MAST4: variants seen among roughly 807,000 people sequenced by gnomAD.
MAST4 encodes the protein microtubule-associated serine/threonine-protein kinase 4.
MAST4 carries 89 observed loss-of-function variants against 162.7 expected under a neutral mutation model. The ratio of observed to expected loss-of-function variants is 0.55; its 90% confidence interval spans 0.46 to 0.65. The LOEUF (loss-of-function observed/expected upper bound fraction) is 0.65. Ranked by LOEUF, MAST4 falls within the 30% of genes least tolerant of loss-of-function variation. The probability of loss-of-function intolerance (pLI) is 0.00; values close to 1 mark genes in which losing one functional copy is unlikely to be tolerated. For synonymous variants in MAST4, 1,479 were observed against 1,361.1 expected, an observed-to-expected ratio of 1.09 and a Z score of -1.91; for missense variants, 3,153 against 3,374.0, an observed-to-expected ratio of 0.93 and a Z score of 1.62.
intron 14 of MAST4, among the ~76,000 whole-genome samples, chr5:67,128,145 G>A (rs1029152735): frequency 2.6e-5 from 4 of 152,016 alleles, no homozygotes; most frequent in African/African-American, 7.3e-5. Context: ...TAAAACATTC[G>A]TTTAGTTTTC....
chr5:66,780,320 T>G (rs547265341), intron 2 of MAST4, among the ~76,000 whole-genome samples: 2 of 152,180 alleles, frequency 1.3e-5, no homozygotes, highest in Non-Finnish European at 2.9e-5. Context: ...TCATACTGTG[T>G]CCAGAATTGG....
At chr5:67,087,275 G>C (rs534350064) in intron 5 of MAST4, among the ~76,000 whole-genome samples, 26 of 152,026 alleles carry the variant, frequency 1.7e-4, no homozygotes, top group Non-Finnish European at 5.9e-5. Flanking sequence ...ATCTGCTAAC[G>C]ACTATGCTTG....
intron 1 of MAST4, among the ~76,000 whole-genome samples, chr5:66,755,432 T>C (rs1288585787): frequency 6.6e-6 from 1 of 152,180 alleles, no homozygotes; most frequent in Non-Finnish European, 1.5e-5. Flanking sequence ...TCGGAGAAAA[T>C]TGTCAGTTAA....
intron 1 of MAST4, among the ~76,000 whole-genome samples, chr5:66,696,561 G>A (rs574588358): frequency 2.0e-4 from 30 of 151,922 alleles, no homozygotes; most frequent in African/African-American, 6.8e-4. Flanking sequence ...CATTCTGACC[G>A]CTCTGGTGCT....
intron 7 of MAST4, 44 bp downstream of exon 7, chr5:67,095,719 A>G (rs775358262): frequency 2.1e-6 from 3 of 1,401,960 alleles, no homozygotes; most frequent in Non-Finnish European, 2.9e-6. Flanking sequence ...CCTCACAACA[A>G]CAGAGCTATT....
chr5:67,126,086 G>A (rs1768195772), intron 14 of MAST4, among the ~76,000 whole-genome samples: 1 of 151,482 alleles, frequency 6.6e-6, no homozygotes, highest in South Asian at 2.1e-4. Flanking sequence ...CTTTTTGACG[G>A]AGTTGTTTGT....
chr5:66,839,523 C>A (rs1433639609), intron 3 of MAST4, among the ~76,000 whole-genome samples: 1 of 152,000 alleles, frequency 6.6e-6, no homozygotes, highest in East Asian at 1.9e-4. Context: ...ACATGGTGCA[C>A]AAAGTAGTTC....
Position 67,165,356 on chromosome 5 carries a change from C to T in MAST4, c.6177C>T (p.Ser2059=). The T allele has an allele frequency of 3.7e-6, 6 of 1,613,730 alleles. No homozygotes were observed. Among genetic ancestry groups the T allele is most frequent in the Non-Finnish European group, 5.1e-6 (6 of 1,179,874 alleles). The change falls in exon 29 of 29, where the codon TCC becomes TCT. Residue 2059 remains serine (S), a synonymous_variant. Coordinates refer to ENST00000403625, the MANE Select transcript of MAST4 (RefSeq NM_001164664.2). The stretch of plus-strand genomic sequence containing the variant: ...CGAGGCCCCCGCCCAGAGACAACTC[C>T]TCTCTGCACTCAGCTGGAATTCCCT... ...GEARPPPRDN[S]SLHSAGIPCE... is the part of the protein sequence containing the mutation.
At chr5:66,689,018 A>G (rs1447651101) in intron 1 of MAST4, among the ~76,000 whole-genome samples, 2 of 152,148 alleles carry the variant, frequency 1.3e-5, no homozygotes, top group African/African-American at 4.8e-5. Context: ...AAGCTTTTCA[A>G]TGTTTATTCT....
intron 4 of MAST4, among the ~76,000 whole-genome samples, chr5:66,997,332 T>C (rs1304312526): frequency 2.0e-5 from 3 of 152,134 alleles, no homozygotes; most frequent in Admixed American, 6.5e-5. Flanking sequence ...AGAGTACTTA[T>C]CTTCCCCATG....
intron 1 of MAST4, among the ~76,000 whole-genome samples, chr5:66,680,089 G>T (rs1246333862): frequency 1.3e-5 from 2 of 152,162 alleles, no homozygotes; most frequent in Non-Finnish European, 2.9e-5. Flanking sequence ...GCCCAGTTTT[G>T]TTTGGATTGG....
rs541947016 is a variant in MAST4 at position 67,112,280 on chromosome 5, G to A, written c.1459-1807G>A. 7.2e-5 allele frequency among the ~76,000 whole-genome samples: 11 copies of A among 152,304 alleles called. No individual in the cohort carries two copies. In the South Asian group the frequency reaches 2.3e-3, roughly 32 times the overall value. ...AAAACCAAACTCGGTTTCTCCTGCT[G>A]TGCTCTCACAACATGATTCTGACAC... On this transcript the variant is annotated intron_variant, in intron 11 of 28. Transcript: ENST00000403625.
intron 2 of MAST4, among the ~76,000 whole-genome samples, chr5:66,770,160 C>T (rs546855989): frequency 2.6e-5 from 4 of 152,284 alleles, no homozygotes; most frequent in Admixed American, 6.5e-5. Context: ...ATCTTCTTCC[C>T]GGTGACAATG....
chr5:67,114,384 G>A (rs1240712374), intron 12 of MAST4, 165 bp downstream of exon 12: 2 of 786,704 alleles, frequency 2.5e-6, no homozygotes, highest in Non-Finnish European at 3.9e-6. Context: ...CCATAAAATG[G>A]GTCCTGAGAC....
At chr5:67,062,574 A>G (rs745403845) in intron 5 of MAST4, among the ~76,000 whole-genome samples, 18 of 152,232 alleles carry the variant, frequency 1.2e-4, no homozygotes, top group African/African-American at 1.9e-4. Flanking sequence ...CAGCAAGGCA[A>G]TGACCTCCTT....
chr5:67,082,388 C>T (rs567876240), intron 5 of MAST4, among the ~76,000 whole-genome samples: 34 of 152,148 alleles, frequency 2.2e-4, no homozygotes, highest in Non-Finnish European at 4.0e-4. Context: ...CCACTTTGGC[C>T]TCCCAAAGTG....
At chr5:66,743,269 C>T (rs1171040192) in intron 1 of MAST4, among the ~76,000 whole-genome samples, 1 of 152,198 alleles carries the variant, frequency 6.6e-6, no homozygotes, top group Non-Finnish European at 1.5e-5. Flanking sequence ...GTGTTTCTGT[C>T]ATTTTCTCCT....
chr5:66,917,751 G>A (rs1013139131), intron 4 of MAST4, among the ~76,000 whole-genome samples: 1 of 152,024 alleles, frequency 6.6e-6, no homozygotes, highest in Non-Finnish European at 1.5e-5. Flanking sequence ...ACTCCTATCT[G>A]TCTGTTTCTG....
rs779240114 is a variant in MAST4, at chr5:67,166,564, C to T, written c.7385C>T (p.Ser2462Phe). The T allele has an allele frequency of 1.2e-6, 2 of 1,605,640 alleles. No individual in the cohort carries two copies. The highest frequency in any genetic ancestry group is 1.7e-5 in the Admixed American group (1 of 58,910). Residue 2462 changes from serine (S) to phenylalanine (F), a missense_variant, in exon 29 of 29, where the codon TCC becomes TTC. Around this residue, in one of 7 missense-constraint regions of MAST4, gnomAD observed 1,644 missense variants for 1,495.0 expected, o/e 1.10. Coordinates refer to ENST00000403625, the MANE Select transcript of MAST4 (RefSeq NM_001164664.2). ...TALPEKSLSCSSSFPETRAGV... is the reference protein window; with the variant it reads ...TALPEKSLSCFSSFPETRAGV... ...CTCCCGGAAAAGTCTCTGAGCTGCTCCTCCAGCTTCCCTGAAACCAGGGCC... is the reference window on the plus strand; with the variant it reads ...CTCCCGGAAAAGTCTCTGAGCTGCTTCTCCAGCTTCCCTGAAACCAGGGCC...
Sources: gnomAD v4.1 joint callset for allele counts (sites outside exome capture counted in the v4.1 genomes callset) on GRCh38, gnomAD v4.1.1 for gene constraint, gnomAD v4.1.1 regional missense constraint, MANE v1.5 for transcripts, NCBI Gene and HGNC (gene_info 2026-07-23, HGNC 2026-07-21) for gene names.